Variants in VRK3 observed in about 807,000 individuals in gnomAD.
VRK3 encodes the protein serine/threonine-protein kinase VRK3.
Under a neutral mutation model 60.4 loss-of-function variants are expected in VRK3, and 50 were observed. That is an observed-to-expected ratio of 0.83 (90% CI 0.66 to 1.05). The LOEUF (loss-of-function observed/expected upper bound fraction) is 1.05. Ranked by LOEUF, VRK3 falls within the 50% of genes least tolerant of loss-of-function variation. The pLI is 0.00. For missense variants in VRK3, 549 were observed against 585.3 expected (o/e 0.94, Z 0.64); for synonymous variants, 246 against 227.8 (o/e 1.08, Z -0.72).
In VRK3 at chr19:50,014,508, G is replaced by A. The variant is rs185520069; in HGVS notation, c.139+1516C>T. 1.5e-3 allele frequency among the ~76,000 whole-genome samples: 225 copies of A among 152,200 alleles called. 1 individual carries two copies. Among genetic ancestry groups the A allele is most frequent in the Non-Finnish European group, 2.5e-3 (168 of 67,998 alleles). On this transcript the variant is annotated intron_variant, in intron 3 of 14. Coordinates refer to ENST00000316763, the MANE Select transcript of VRK3 (RefSeq NM_016440.4). ...TGGGAGACGGAGGTTGCAGTGAGCCGAGATGTTGCAGTGAGCCAAGATTGC... is the reference window on the plus strand; with the variant it reads ...TGGGAGACGGAGGTTGCAGTGAGCCAAGATGTTGCAGTGAGCCAAGATTGC...
rs112212012 is a variant in VRK3, at chr19:50,014,678, G to C, written c.139+1346C>G. ...TCCAGGAGGGAGCGGCAAGCGCACA[G>C]GCTGAGGCCCAGGCGTGCTGAGGTG... On this transcript the variant is annotated intron_variant, in intron 3 of 14. Transcript: ENST00000316763. 4.2e-3 allele frequency among the ~76,000 whole-genome samples: 636 copies of C among 152,362 alleles called. 3 individuals carry two copies. Among genetic ancestry groups the C allele is most frequent in the Non-Finnish European group, 7.6e-3 (517 of 68,032 alleles).
rs541625612 is a variant in VRK3, at chr19:50,010,637, G to A, written c.140-1252C>T. 7.9e-5 allele frequency among the ~76,000 whole-genome samples: 12 copies of A among 152,370 alleles called. No individual in the cohort carries two copies. The South Asian group carries it at 2.5e-3, about 32-fold the overall frequency. ...GTTAGGAACTCTCCAAGAAGGCTGG[G>A]CGTGGTGGCTCATGCCTGTAATCCC... On this transcript the variant is annotated intron_variant, in intron 3 of 14. Coordinates refer to ENST00000316763, the MANE Select transcript of VRK3 (RefSeq NM_016440.4).
chr19:50,014,543 C>G (rs1465771159), intron 3 of VRK3, among the ~76,000 whole-genome samples: 1 of 152,214 alleles, frequency 6.6e-6, no homozygotes, highest in Admixed American at 6.5e-5. Flanking sequence ...CGCCACTGCA[C>G]CCCAGCCTGG....
intron 7 of VRK3, 149 bp downstream of exon 7, chr19:49,997,355 C>G: frequency 2.6e-6 from 2 of 765,014 alleles, no homozygotes; most frequent in Non-Finnish European, 4.2e-6. Context: ...TGAGGGGTCA[C>G]AGGAGTCAGG....
In VRK3 at chr19:49,979,179, G is replaced by GC; in HGVS notation, c.1339dup (p.Ala447GlyfsTer20). 2.5e-6 allele frequency: 4 copies of GC among 1,614,088 alleles called. No individual in the cohort carries two copies. The highest frequency in any genetic ancestry group is 3.4e-6 in the Non-Finnish European group (4 of 1,180,006). On this transcript the variant is annotated frameshift_variant, in exon 14 of 15. Coordinates refer to ENST00000316763, the MANE Select transcript of VRK3 (RefSeq NM_016440.4). LOFTEE classifies it high-confidence loss of function. ...AGCTTCTAGGTTGTTCCTCAGCATG[G>GC]CGTAGGGCGGCTTCTCCTCATACGT...
chr19:50,010,521 C>T (rs1054269677), intron 3 of VRK3, among the ~76,000 whole-genome samples: 1 of 152,198 alleles, frequency 6.6e-6, no homozygotes, highest in African/African-American at 2.4e-5. Context: ...CACATCTCAC[C>T]ACTTTAAGTT....
chr19:49,989,895 A>T, intron 10 of VRK3, 124 bp from the exon 11 acceptor site: 1 of 1,154,718 alleles, frequency 8.7e-7, no homozygotes. Flanking sequence ...TTACAAAACT[A>T]AGGCATGCTC....
intron 10 of VRK3, among the ~76,000 whole-genome samples, chr19:49,990,205 T>C (rs1318185560): frequency 6.6e-6 from 1 of 152,156 alleles, no homozygotes; most frequent in East Asian, 1.9e-4. Flanking sequence ...CTCAGCCCGC[T>C]GGTGGCGGTA....
chr19:49,984,792 C>A (rs574634021), intron 12 of VRK3, among the ~76,000 whole-genome samples: 1 of 152,050 alleles, frequency 6.6e-6, no homozygotes, highest in Non-Finnish European at 1.5e-5. Flanking sequence ...CCACCACACC[C>A]GGCTACTTTT....
chr19:50,018,104 C>T (rs1233733598), intron 2 of VRK3, among the ~76,000 whole-genome samples: 1 of 152,222 alleles, frequency 6.6e-6, no homozygotes, highest in African/African-American at 2.4e-5. Flanking sequence ...ACATGCTGGG[C>T]AAGCTACTTA....
intron 6 of VRK3, chr19:49,999,057 T>A (rs28495077): frequency 0.053 from 7,958 of 150,064 alleles, 686 homozygotes; most frequent in African/African-American, 0.18. Flanking sequence ...TAGGAGGCTG[T>A]GGCTGCAGTG....
At chr19:50,002,264 C>A (rs2076819237) in intron 5 of VRK3, among the ~76,000 whole-genome samples, 1 of 151,946 alleles carries the variant, frequency 6.6e-6, no homozygotes, top group African/African-American at 2.4e-5. Flanking sequence ...AGAAGCCATC[C>A]TTGCCCTCAA....
At chr19:50,002,411 A>G (rs2076822296) in intron 5 of VRK3, among the ~76,000 whole-genome samples, 1 of 152,046 alleles carries the variant, frequency 6.6e-6, no homozygotes, top group South Asian at 2.1e-4. Flanking sequence ...AGCTGTGGGG[A>G]GAGCACTGGG....
At chr19:50,017,164 A>T (rs2077092085) in intron 2 of VRK3, among the ~76,000 whole-genome samples, 1 of 152,146 alleles carries the variant, frequency 6.6e-6, no homozygotes, top group Non-Finnish European at 1.5e-5. Context: ...ATTGCACTCC[A>T]GCCTGGACAA....
In VRK3 at chr19:50,009,288, A is replaced by G; in HGVS notation, c.237T>C (p.Asp79=). The part of the protein sequence containing the change: ...VTSPRLSLFS[D]GDSSESEDTL... ...TATCTTCAGACTCAGAACTGTCACC[A>G]TCTGAGAAGAGGGATAATCGGGGAG... The change falls in exon 4 of 15, where the codon GAT becomes GAC. Residue 79 remains aspartate (D), a synonymous_variant. Transcript: ENST00000316763. 1 of 1,614,166 alleles carries G rather than the reference A, an allele frequency of 6.2e-7. No homozygotes were observed. The highest frequency in any genetic ancestry group is 1.1e-5 in the South Asian group (1 of 91,082).
At chr19:49,982,322 T>C (rs904118488) in intron 12 of VRK3, 1 of 657,434 alleles carries the variant, frequency 1.5e-6, no homozygotes, top group Non-Finnish European at 2.8e-6. Context: ...AGCATTATGC[T>C]AGGTGGCTGT....
At chr19:50,004,541 C>A (rs1464161503) in intron 5 of VRK3, among the ~76,000 whole-genome samples, 1 of 152,156 alleles carries the variant, frequency 6.6e-6, no homozygotes, top group Non-Finnish European at 1.5e-5. Flanking sequence ...CTCTCTGTAC[C>A]CCAGTTGCAG....
Position 49,989,667 on chromosome 19 carries a change from G to T in VRK3, c.1068C>A (p.Phe356Leu). Residue 356 changes from phenylalanine to leucine, a missense_variant, in exon 11 of 15, where the codon TTC becomes TTA. By Grantham distance (22) the Phe-to-Leu change is conservative (BLOSUM62 0). Coordinates refer to ENST00000316763, the MANE Select transcript of VRK3 (RefSeq NM_016440.4). ...ATCCCTTGTGCAGGTCCATGCTAAT[G>T]AACTCAAGGTCCCCCTCGTGAGGGC... ...SRSPHEGDLEFISMDLHKGCG... is the reference protein window; with the variant it reads ...SRSPHEGDLELISMDLHKGCG... The T allele has an allele frequency of 6.2e-7, 1 of 1,613,612 alleles. No individual in the cohort carries two copies. The highest frequency in any genetic ancestry group is 8.5e-7 in the Non-Finnish European group (1 of 1,179,688).
In VRK3 at chr19:49,981,142, T is replaced by C. The variant is rs1029867538; in HGVS notation, c.1218-129A>G. On this transcript the variant is annotated intron_variant, in intron 12 of 14. Coordinates refer to ENST00000316763, the MANE Select transcript of VRK3 (RefSeq NM_016440.4). ...TCCCCTCTGCCATCCAGGGAAGTTA[T>C]GTTCTTAAAGTCACTGTGAACACTG... 9.0e-6 allele frequency: 8 copies of C among 884,872 alleles called. 1 individual carries two copies. The highest frequency in any genetic ancestry group is 5.0e-5 in the African/African-American group (3 of 60,220). 54.8% of individuals were successfully genotyped at this position (884,872 alleles called of 1,614,324 possible). A position where few individuals can be genotyped will look rare whatever the true frequency, so the allele number is the denominator to read the frequency against.
Sources: gnomAD v4.1 joint callset for allele counts (sites outside exome capture counted in the v4.1 genomes callset) on GRCh38, gnomAD v4.1.1 for gene constraint, MANE v1.5 for transcripts, NCBI Gene and HGNC (gene_info 2026-07-23, HGNC 2026-07-21) for gene names.